The following HIBADH variants were observed in gnomAD, a reference collection of about 807,000 sequenced individuals.
The protein encoded by HIBADH is 3-hydroxyisobutyrate dehydrogenase, also known as 3-hydroxyisobutyrate dehydrogenase, mitochondrial.
HIBADH carries 25 observed loss-of-function variants against 36.1 expected under a neutral mutation model. That is an observed-to-expected ratio of 0.69 (90% CI 0.50 to 0.97). The LOEUF is 0.97. HIBADH is among the 50% of genes least tolerant of loss of function. The pLI, the probability that HIBADH is intolerant of heterozygous loss-of-function variation, is 0.00. For synonymous variants in HIBADH, 160 were observed against 149.5 expected (o/e 1.07, Z -0.51); for missense variants, 421 against 418.0 (o/e 1.01, Z -0.06).
At chr7:27,567,648 T>TGC (rs1214870206) in intron 4 of HIBADH, among the ~76,000 whole-genome samples, 3 of 152,162 alleles carry the variant, frequency 2.0e-5, no homozygotes, top group African/African-American at 7.2e-5. Context: ...GGTGTGTGTG[T>TGC]GCGTGCGTGC....
At chr7:27,578,161 CAT>C (rs966468858) in intron 4 of HIBADH, among the ~76,000 whole-genome samples, 1 of 152,128 alleles carries the variant, frequency 6.6e-6, no homozygotes, top group African/African-American at 2.4e-5. Context: ...GAGCTGAAGA[CAT>C]TACTTAAGCA....
chr7:27,653,928 A>C (rs1489799441), intron 1 of HIBADH, among the ~76,000 whole-genome samples: 1 of 152,216 alleles, frequency 6.6e-6, no homozygotes, highest in African/African-American at 2.4e-5. Flanking sequence ...TGTATACTCA[A>C]AAGTCAAAAA....
chr7:27,660,456 G>C (rs1457638493), intron 1 of HIBADH, among the ~76,000 whole-genome samples: 1 of 152,228 alleles, frequency 6.6e-6, no homozygotes, highest in Non-Finnish European at 1.5e-5. Context: ...GAGGTCAAGT[G>C]ATAGAGACCA....
chr7:27,595,544 A>G (rs897128776), intron 4 of HIBADH, among the ~76,000 whole-genome samples: 26 of 151,852 alleles, frequency 1.7e-4, no homozygotes, highest in African/African-American at 5.8e-4. Context: ...AAATAAATAA[A>G]TAAATAAAAA....
intron 2 of HIBADH, among the ~76,000 whole-genome samples, chr7:27,645,368 A>ATATTTTT (rs1554300959): frequency 1.7e-5 from 1 of 59,652 alleles, no homozygotes; most frequent in Non-Finnish European, 3.1e-5. Context: ...CATGGTTTTG[A>ATATTTTT]TTTTTTTTTT....
chr7:27,596,336 C>T (rs1017526110), intron 4 of HIBADH, among the ~76,000 whole-genome samples: 1 of 152,226 alleles, frequency 6.6e-6, no homozygotes, highest in Admixed American at 6.5e-5. Context: ...GCAGAGCCCT[C>T]ATGATCTAAA....
At chr7:27,660,526 G>A (rs565863566) in intron 1 of HIBADH, among the ~76,000 whole-genome samples, 3 of 152,116 alleles carry the variant, frequency 2.0e-5, no homozygotes, top group Non-Finnish European at 4.4e-5. Flanking sequence ...CTAGCCGGGC[G>A]TGGTGGCAGG....
intron 6 of HIBADH, 122 bp downstream of exon 6, chr7:27,538,219 T>G (rs1019830903): frequency 4.1e-6 from 3 of 730,346 alleles, no homozygotes; most frequent in Non-Finnish European, 6.8e-6. Context: ...AATAATGAAG[T>G]ACTTTCAAAA....
chr7:27,541,931 T>A (rs1302213894), intron 5 of HIBADH, among the ~76,000 whole-genome samples: 2 of 152,232 alleles, frequency 1.3e-5, no homozygotes, highest in Non-Finnish European at 2.9e-5. Context: ...CACAAAATTA[T>A]TACAGTAGTA....
At chr7:27,661,687 GT>G (rs373175170) in intron 1 of HIBADH, among the ~76,000 whole-genome samples, 2 of 151,056 alleles carry the variant, frequency 1.3e-5, no homozygotes, top group African/African-American at 4.9e-5. Flanking sequence ...TAATGCCAAG[GT>G]TTTTTTTGTT....
At chr7:27,609,251 A>C (rs913664853) in intron 4 of HIBADH, among the ~76,000 whole-genome samples, 1 of 152,314 alleles carries the variant, frequency 6.6e-6, no homozygotes, top group East Asian at 1.9e-4. Context: ...GCAGTGAGTC[A>C]CCAGTCTTCT....
intron 4 of HIBADH, among the ~76,000 whole-genome samples, chr7:27,560,944 T>C (rs1784457296): frequency 6.6e-6 from 1 of 152,214 alleles, no homozygotes; most frequent in South Asian, 2.1e-4. Flanking sequence ...GGTTCTAATT[T>C]CTCCACATCC....
At chr7:27,604,300 C>A (rs560445003) in intron 4 of HIBADH, among the ~76,000 whole-genome samples, 2 of 152,000 alleles carry the variant, frequency 1.3e-5, no homozygotes, top group Non-Finnish European at 2.9e-5. Flanking sequence ...GTATGCATAT[C>A]ATTACATGAG....
chr7:27,531,406 CT>C, intron 6 of HIBADH, 58 bp from the exon 7 acceptor site: 1 of 1,461,560 alleles, frequency 6.8e-7, no homozygotes, highest in Admixed American at 2.0e-5. Context: ...TCGTGCGTGA[CT>C]TATTTATGTA....
Position 27,632,328 on chromosome 7 carries a change from A to T in HIBADH, c.362+8T>A, listed in dbSNP as rs764304571. On this transcript the variant is annotated splice_region_variant and intron_variant, in intron 3 of 7. Transcript: ENST00000265395. Reference sequence around the variant, plus strand: ...ACAAGAAAATATCCACAGGTGAGAAATACATACTTTAGAATCCCATTTGCT... The same window carrying T: ...ACAAGAAAATATCCACAGGTGAGAATTACATACTTTAGAATCCCATTTGCT... 11 of 1,528,716 alleles carry T rather than the reference A, an allele frequency of 7.2e-6. No individual in the cohort carries two copies. In the Admixed American group the frequency reaches 1.8e-4, roughly 26 times the overall value. The allele number at this position is 1,528,716 out of a possible 1,614,324, so 94.7% of individuals were successfully genotyped here.
At chr7:27,537,571 A>T (rs140079473) in intron 6 of HIBADH, among the ~76,000 whole-genome samples, 1,886 of 152,296 alleles carry the variant, frequency 0.012, 14 homozygotes, top group Non-Finnish European at 0.02. Flanking sequence ...TAAGAAATGT[A>T]TATTTATTAT....
In HIBADH at chr7:27,662,708, G is replaced by A. The variant is rs1562665843; in HGVS notation, c.81C>T (p.Ser27=). Residue 27 remains serine, a synonymous_variant, in exon 1 of 8, where the codon AGC becomes AGT. Transcript: ENST00000265395. ...GCGTGAGGTCCTTACCCGCTGCAAAGCTGCCGGCTGCCGGCCGCAGCCGCC... is the reference window on the plus strand; with the variant it reads ...GCGTGAGGTCCTTACCCGCTGCAAAACTGCCGGCTGCCGGCCGCAGCCGCC... ...WSRRLRPAAG[S]FAAVCSRSVA... 7 of 1,367,686 alleles carry A rather than the reference G, an allele frequency of 5.1e-6. No homozygotes were observed. The highest frequency in any genetic ancestry group is 6.6e-6 in the Non-Finnish European group (7 of 1,053,958). 84.7% of individuals were successfully genotyped at this position (1,367,686 alleles called of 1,614,324 possible).
intron 2 of HIBADH, among the ~76,000 whole-genome samples, chr7:27,641,134 T>C (rs1023964482): frequency 6.6e-6 from 1 of 152,182 alleles, no homozygotes; most frequent in African/African-American, 2.4e-5. Flanking sequence ...TGTCACTAAA[T>C]TCAGCTCTGC....
rs774922124 is a variant in HIBADH at position 27,526,334 on chromosome 7, C to T, written c.891G>A (p.Lys297=). The T allele has an allele frequency of 9.9e-6, 16 of 1,612,816 alleles. No individual in the cohort carries two copies. Among genetic ancestry groups the T allele is most frequent in the Non-Finnish European group, 1.4e-5 (16 of 1,179,488 alleles). ...CCAGACTGCCAAGAAGGATTGGGCT[C>T]TTTGTGCTGGTAGCAGAGTCTTGTG... ...GLAQDSATST[K]SPILLGSLAH... The change falls in exon 8 of 8, where the codon AAG becomes AAA. Residue 297 remains lysine, a synonymous_variant. Transcript: ENST00000265395.
Sources: allele counts gnomAD v4.1 joint callset (sites outside exome capture counted in the v4.1 genomes callset), GRCh38; gene constraint gnomAD v4.1.1; transcripts MANE v1.5; gene names NCBI Gene and HGNC (gene_info 2026-07-23, HGNC 2026-07-21).